The following ARHGAP10 variants were observed in gnomAD, a reference collection of about 807,000 sequenced individuals.
ARHGAP10 encodes rho GTPase-activating protein 10.
ARHGAP10 carries 87 observed loss-of-function variants against 108.6 expected under a neutral mutation model. The observed-to-expected ratio is 0.80, with a 90% CI of 0.67 to 0.96. The LOEUF (loss-of-function observed/expected upper bound fraction) is 0.96. Ranked by LOEUF, ARHGAP10 falls within the 40% of genes least tolerant of loss-of-function variation. The probability of loss-of-function intolerance (pLI) is 0.00; values close to 1 mark genes in which losing one functional copy is unlikely to be tolerated. For missense variants in ARHGAP10, 939 were observed against 954.5 expected (o/e 0.98, Z 0.21); for synonymous variants, 347 against 341.1 (o/e 1.02, Z -0.19).
chr4:147,793,289 T>C, intron 1 of ARHGAP10, among the ~76,000 whole-genome samples: 1 of 150,068 alleles, frequency 6.7e-6, no homozygotes, highest in Non-Finnish European at 1.5e-5. Context: ...AATATTGGGG[T>C]AAAATATAAC....
At chr4:147,751,285 T>G (rs1265770385) in intron 1 of ARHGAP10, among the ~76,000 whole-genome samples, 1 of 152,198 alleles carries the variant, frequency 6.6e-6, no homozygotes, top group Non-Finnish European at 1.5e-5. Context: ...TTGTTAAACA[T>G]TATCTGAGAA....
chr4:147,736,591 C>G lies in ARHGAP10; in HGVS notation c.154+4136C>G, dbSNP rs188425737. On this transcript the variant is annotated intron_variant, in intron 1 of 22. Coordinates refer to ENST00000336498, the MANE Select transcript of ARHGAP10 (RefSeq NM_024605.4). Reference sequence around the variant, plus strand: ...GGTTGTGTAGACACTACTGCTGGTTCAGCCAACATTCCTTTTCCCCTCTGA... The same window carrying G: ...GGTTGTGTAGACACTACTGCTGGTTGAGCCAACATTCCTTTTCCCCTCTGA... Among the ~76,000 whole-genome samples, 113 of 152,254 alleles carry G rather than the reference C, an allele frequency of 7.4e-4. 3 individuals are homozygous for G. The highest frequency in any genetic ancestry group is 3.4e-3 in the Middle Eastern group (1 of 294).
At chr4:147,903,600 G>T (rs1045120612) in intron 10 of ARHGAP10, among the ~76,000 whole-genome samples, 1 of 152,122 alleles carries the variant, frequency 6.6e-6, no homozygotes, top group African/African-American at 2.4e-5. Flanking sequence ...AAAATCTTGT[G>T]CTCCACCTGT....
At chr4:148,038,938 G>GTTTTGAAACTTAGTGTTAT (rs144308492) in intron 19 of ARHGAP10, among the ~76,000 whole-genome samples, 20,141 of 151,740 alleles carry the variant, frequency 0.13, 2,236 homozygotes, top group African/African-American at 0.3. Flanking sequence ...TGGTGCCTTT[G>GTTTTGAAACTTAGTGTTAT]TTTTGAAACT....
chr4:147,877,968 G>A (rs1346113342), intron 8 of ARHGAP10, among the ~76,000 whole-genome samples: 1 of 151,964 alleles, frequency 6.6e-6, no homozygotes, highest in Non-Finnish European at 1.5e-5. Flanking sequence ...TGACAGTGTT[G>A]CTCTGTCACC....
chr4:147,732,256 G>A lies in ARHGAP10; in HGVS notation c.-46G>A, dbSNP rs1281645036. 3 of 1,555,194 alleles carry A rather than the reference G, an allele frequency of 1.9e-6. No individual in the cohort carries two copies. Among genetic ancestry groups the A allele is most frequent in the Middle Eastern group, 1.8e-4 (1 of 5,484 alleles). ...GGCAGCGGCCTCGGAGCTCGGCTCG[G>A]GCAGGAGCGCGCGGCCGTGCGCACC... is the stretch of plus-strand genomic sequence containing the variant. On this transcript the variant is annotated 5_prime_UTR_variant, in exon 1 of 23. Coordinates refer to ENST00000336498, the MANE Select transcript of ARHGAP10 (RefSeq NM_024605.4).
intron 19 of ARHGAP10, among the ~76,000 whole-genome samples, chr4:148,031,696 ATGT>A (rs989561492): frequency 3.3e-5 from 5 of 152,188 alleles, no homozygotes; most frequent in Admixed American, 3.3e-4. Flanking sequence ...TAAAAAACAA[ATGT>A]TTAGTGTTGT....
chr4:147,914,356 A>G (rs1225637573), intron 13 of ARHGAP10, among the ~76,000 whole-genome samples: 3 of 151,340 alleles, frequency 2.0e-5, no homozygotes, highest in African/African-American at 7.3e-5. Context: ...TTGCATTTTT[A>G]TTTTTATTTT....
chr4:147,922,669 CAG>C (rs1208025297), intron 13 of ARHGAP10, among the ~76,000 whole-genome samples: 4 of 121,128 alleles, frequency 3.3e-5, no homozygotes, highest in Admixed American at 1.0e-4. Flanking sequence ...GCCTGGGCGA[CAG>C]AGCGAGACTC....
chr4:147,949,110 A>AAC (rs1738498612), intron 15 of ARHGAP10, among the ~76,000 whole-genome samples: 1 of 152,078 alleles, frequency 6.6e-6, no homozygotes, highest in African/African-American at 2.4e-5. Context: ...GGTGATAGTT[A>AAC]TGTATTACCT....
chr4:147,943,214 G>C (rs942720743), intron 14 of ARHGAP10, among the ~76,000 whole-genome samples: 2 of 152,228 alleles, frequency 1.3e-5, no homozygotes, highest in Non-Finnish European at 2.9e-5. Flanking sequence ...AAATGTGGTA[G>C]TAGTTTGTGT....
chr4:147,807,312 ATAAT>A (rs907898267), intron 1 of ARHGAP10, among the ~76,000 whole-genome samples: 2 of 152,214 alleles, frequency 1.3e-5, no homozygotes, highest in South Asian at 2.1e-4. Flanking sequence ...TTTTGAAATG[ATAAT>A]TAAAGCTCTA....
At position 147,912,645 on chromosome 4, in the gene ARHGAP10, CTT is replaced by C. The variant is rs70958594; in HGVS notation, c.1163-405_1163-404del. ...TAAATAGGAAATACATAGCCTTAAG[CTT>C]TTTTTTTTTTTTTTTTTTTTTTTGG... On this transcript the variant is annotated intron_variant, in intron 12 of 22. Coordinates refer to ENST00000336498, the MANE Select transcript of ARHGAP10 (RefSeq NM_024605.4). Among the ~76,000 whole-genome samples the C allele has an allele frequency of 4.3e-3, 153 of 35,294 alleles. 2 individuals are homozygous for C. The highest frequency in any genetic ancestry group is 0.017 in the African/African-American group (133 of 7,670). 23.2% of individuals were successfully genotyped at this position (35,294 alleles called of 152,430 possible). A position where few individuals can be genotyped will look rare whatever the true frequency, so the allele number is the denominator to read the frequency against.
intron 1 of ARHGAP10, among the ~76,000 whole-genome samples, chr4:147,732,832 C>G (rs1560729381): frequency 6.6e-6 from 1 of 152,226 alleles, no homozygotes; most frequent in Non-Finnish European, 1.5e-5. Flanking sequence ...CAATCTCTTA[C>G]AAAACCGAGG....
intron 1 of ARHGAP10, among the ~76,000 whole-genome samples, chr4:147,781,807 G>C (rs919090357): frequency 6.7e-6 from 1 of 149,010 alleles, no homozygotes; most frequent in Non-Finnish European, 1.5e-5. Context: ...CCAGCTATTT[G>C]TTATTATAAG....
At chr4:148,050,674 A>G (rs567164213) in intron 20 of ARHGAP10, among the ~76,000 whole-genome samples, 4 of 151,754 alleles carry the variant, frequency 2.6e-5, no homozygotes, top group Admixed American at 2.0e-4. Context: ...TGCCCGGTTG[A>G]TTCATCTTCT....
chr4:147,786,598 A>T (rs1439803090), intron 1 of ARHGAP10, among the ~76,000 whole-genome samples: 1 of 152,226 alleles, frequency 6.6e-6, no homozygotes, highest in Non-Finnish European at 1.5e-5. Context: ...AAAAAGTTTT[A>T]ATGTTTCAAA....
chr4:147,907,841 G>A (rs927289121), intron 11 of ARHGAP10, among the ~76,000 whole-genome samples: 2 of 152,114 alleles, frequency 1.3e-5, no homozygotes, highest in African/African-American at 4.8e-5. Context: ...AGCCTCTGTA[G>A]TTTTACTTCT....
chr4:147,848,380 C>T (rs1415574615), intron 4 of ARHGAP10, among the ~76,000 whole-genome samples: 10 of 152,248 alleles, frequency 6.6e-5, no homozygotes, highest in African/African-American at 2.2e-4. Context: ...GATAGTTTGC[C>T]GTGCTGCAGG....
Sources: allele counts gnomAD v4.1 joint callset (sites outside exome capture counted in the v4.1 genomes callset), GRCh38; gene constraint gnomAD v4.1.1; transcripts MANE v1.5; gene names NCBI Gene and HGNC (gene_info 2026-07-23, HGNC 2026-07-21).